The following NBEA variants were observed in gnomAD, a reference collection of about 807,000 sequenced individuals.
NBEA encodes neurobeachin.
Under a neutral mutation model 343.4 loss-of-function variants are expected in NBEA, and 44 were observed. That is an observed-to-expected ratio of 0.13 (90% CI 0.10 to 0.16). The LOEUF (loss-of-function observed/expected upper bound fraction) is 0.16. NBEA is among the 10% of genes least tolerant of loss of function. The pLI is 1.00. For synonymous variants in NBEA, 1,175 were observed against 1,238.7 expected, an observed-to-expected ratio of 0.95 and a Z score of 1.08; for missense variants, 2,555 against 3,631.3, an observed-to-expected ratio of 0.70 and a Z score of 7.62.
chr13:35,452,075 A>T lies in NBEA; in HGVS notation c.6305-17A>T, dbSNP rs1160315402. On this transcript the variant is annotated splice_polypyrimidine_tract_variant and intron_variant, in intron 39 of 58. Transcript: ENST00000379939. ...CAATCATAATAACCTAAATGATTATATTTTTGTTGTGATTAGGCACGGAAG... is the reference window on the plus strand; with the variant it reads ...CAATCATAATAACCTAAATGATTATTTTTTTGTTGTGATTAGGCACGGAAG... 2 of 1,592,616 alleles carry T rather than the reference A, an allele frequency of 1.3e-6. No individual in the cohort carries two copies. Among genetic ancestry groups the T allele is most frequent in the Admixed American group, 3.5e-5 (2 of 57,630 alleles).
chr13:35,666,733 TCAACA>T (rs1241069627), intron 56 of NBEA, among the ~76,000 whole-genome samples: 1 of 152,184 alleles, frequency 6.6e-6, no homozygotes, highest in Non-Finnish European at 1.5e-5. Flanking sequence ...TTTTACTTTA[TCAACA>T]CTATTTTATA....
chr13:35,259,832 AT>A (rs2033046388), intron 34 of NBEA, among the ~76,000 whole-genome samples: 1 of 152,162 alleles, frequency 6.6e-6, no homozygotes, highest in Non-Finnish European at 1.5e-5. Flanking sequence ...AATGGTCAAG[AT>A]TTTGTGTTAC....
intron 10 of NBEA, among the ~76,000 whole-genome samples, chr13:35,095,853 G>C (rs1288859980): frequency 6.6e-6 from 1 of 151,948 alleles, no homozygotes; most frequent in Non-Finnish European, 1.5e-5. Flanking sequence ...AGTTTTGGCT[G>C]ACACAGATAC....
rs139336928 is a variant in NBEA, at chr13:35,502,784, G to T, written c.6585+30248G>T. Reference sequence around the variant, plus strand: ...TCCGTGCTTATGTCTGATACAGTACGTGGGATTTGGGCCTGCAAATAGATT... The same window carrying T: ...TCCGTGCTTATGTCTGATACAGTACTTGGGATTTGGGCCTGCAAATAGATT... On this transcript the variant is annotated intron_variant, in intron 41 of 58. Coordinates refer to ENST00000379939, the MANE Select transcript of NBEA (RefSeq NM_001385012.1). Among the ~76,000 whole-genome samples the T allele has an allele frequency of 6.6e-4, 100 of 152,140 alleles. No individual in the cohort carries two copies. The East Asian group carries it at 0.016, about 24-fold the overall frequency.
intron 38 of NBEA, among the ~76,000 whole-genome samples, chr13:35,369,285 T>C (rs1421881620): frequency 6.6e-6 from 1 of 151,594 alleles, no homozygotes; most frequent in African/African-American, 2.4e-5. Context: ...TCTGTTTTTA[T>C]ACCAATACCA....
intron 14 of NBEA, among the ~76,000 whole-genome samples, chr13:35,117,756 A>G (rs2066575193): frequency 6.6e-6 from 1 of 151,996 alleles, no homozygotes; most frequent in Admixed American, 6.5e-5. Flanking sequence ...ATAGTAATTG[A>G]CCATTATTCG....
intron 41 of NBEA, among the ~76,000 whole-genome samples, chr13:35,529,163 C>T (rs188966883): frequency 8.2e-4 from 125 of 152,276 alleles, no homozygotes; most frequent in Non-Finnish European, 1.5e-3. Context: ...TAGATGAGGA[C>T]ACAGGCTCAG....
intron 36 of NBEA, among the ~76,000 whole-genome samples, chr13:35,331,852 A>G (rs1411703401): frequency 6.6e-6 from 1 of 152,066 alleles, no homozygotes; most frequent in Non-Finnish European, 1.5e-5. Flanking sequence ...GAAAATGAAC[A>G]TCACTTCATT....
chr13:35,135,472 A>AT (rs2067663955), intron 17 of NBEA, among the ~76,000 whole-genome samples: 7 of 152,190 alleles, frequency 4.6e-5, no homozygotes, highest in Non-Finnish European at 8.8e-5. Flanking sequence ...AAATACAGTA[A>AT]ATGGAGAGCT....
intron 17 of NBEA, among the ~76,000 whole-genome samples, chr13:35,135,475 GGAGAGC>G (rs2067664729): frequency 3.9e-5 from 6 of 152,006 alleles, no homozygotes; most frequent in Non-Finnish European, 7.4e-5. Context: ...TACAGTAAAT[GGAGAGC>G]TATGCTGTGT....
At chr13:35,164,256 A>G in intron 23 of NBEA, 100 bp from the exon 24 acceptor site, 1 of 961,702 alleles carries the variant, frequency 1.0e-6, no homozygotes, top group Non-Finnish European at 1.5e-6. Flanking sequence ...AAATATAGCT[A>G]GCTCCTACAG....
rs796596923 is a variant in NBEA at position 35,354,314 on chromosome 13, T to G, written c.6179+1991T>G. Reference sequence around the variant, plus strand: ...ATACTTACTTATATGTAGTCAGGACTGTAACATTATATTGCTAGTAACGCA... The same window carrying G: ...ATACTTACTTATATGTAGTCAGGACGGTAACATTATATTGCTAGTAACGCA... On this transcript the variant is annotated intron_variant, in intron 38 of 58. Coordinates refer to ENST00000379939, the MANE Select transcript of NBEA (RefSeq NM_001385012.1). 5.3e-4 allele frequency among the ~76,000 whole-genome samples: 80 copies of G among 152,344 alleles called. 1 individual carries two copies. Among genetic ancestry groups the G allele is most frequent in the African/African-American group, 1.8e-3 (75 of 41,580 alleles).
Position 35,157,009 on chromosome 13 carries a change from A to G in NBEA, c.2652-69A>G, listed in dbSNP as rs142879129. 3.4e-5 allele frequency: 43 copies of G among 1,279,740 alleles called. No homozygotes were observed. The African/African-American group carries it at 3.8e-4, about 11-fold the overall frequency. 79.3% of individuals were successfully genotyped at this position (1,279,740 alleles called of 1,614,324 possible). On this transcript the variant is annotated intron_variant, in intron 20 of 58. Coordinates refer to ENST00000379939, the MANE Select transcript of NBEA (RefSeq NM_001385012.1). ...CATATTTTCACTATTTTATTTATCA[A>G]AGTTTCAAAATAGTAAATTCTAACT...
At chr13:35,392,613 G>T (rs2042558804) in intron 38 of NBEA, among the ~76,000 whole-genome samples, 1 of 151,894 alleles carries the variant, frequency 6.6e-6, no homozygotes, top group Admixed American at 6.6e-5. Context: ...CAAAGTAGCT[G>T]CACCATACTG....
intron 38 of NBEA, among the ~76,000 whole-genome samples, chr13:35,378,726 C>T (rs1418971404): frequency 6.6e-6 from 1 of 151,612 alleles, no homozygotes; most frequent in Non-Finnish European, 1.5e-5. Context: ...TTTTCAAAAA[C>T]TGAAGGCACC....
intron 36 of NBEA, 119 bp from the exon 37 acceptor site, chr13:35,348,989 T>G (rs1461065508): frequency 2.5e-6 from 1 of 406,728 alleles, no homozygotes; most frequent in Non-Finnish European, 4.4e-6. Context: ...ATATTAATTT[T>G]ATATCTAGCT....
At position 35,668,496 on chromosome 13, in the gene NBEA, A is replaced by G. The variant is rs757593730; in HGVS notation, c.8790A>G (p.Ala2930=). The change falls in exon 58 of 59, where the codon GCA becomes GCG. Residue 2930 remains alanine, a synonymous_variant. Coordinates refer to ENST00000379939, the MANE Select transcript of NBEA (RefSeq NM_001385012.1). ...IYPGCDAGIR[A]MDLSHDQRTL... is the part of the protein sequence containing the mutation. ...CTGGATGTGATGCTGGCATTAGAGCAATGGACTTGTCCCATGACCAGAGGT... is the reference window on the plus strand; with the variant it reads ...CTGGATGTGATGCTGGCATTAGAGCGATGGACTTGTCCCATGACCAGAGGT... The G allele has an allele frequency of 6.8e-6, 11 of 1,609,846 alleles. No homozygotes were observed. Among genetic ancestry groups the G allele is most frequent in the Non-Finnish European group, 9.3e-6 (11 of 1,178,260 alleles).
intron 38 of NBEA, among the ~76,000 whole-genome samples, chr13:35,366,662 C>T (rs552960911): frequency 4.0e-5 from 6 of 148,848 alleles, no homozygotes; most frequent in South Asian, 2.1e-4. Flanking sequence ...AACTACAGTA[C>T]GTTCCTCTTT....
chr13:35,449,591 T>C (rs745851439), intron 39 of NBEA, among the ~76,000 whole-genome samples: 2 of 152,320 alleles, frequency 1.3e-5, no homozygotes, highest in Non-Finnish European at 1.5e-5. Flanking sequence ...TGATGCAAGC[T>C]CTATATTTCT....
Sources: gnomAD v4.1 joint callset for allele counts (sites outside exome capture counted in the v4.1 genomes callset) on GRCh38, gnomAD v4.1.1 for gene constraint, MANE v1.5 for transcripts, NCBI Gene and HGNC (gene_info 2026-07-23, HGNC 2026-07-21) for gene names.